The following HEXD variants were observed in gnomAD, a reference collection of about 807,000 sequenced individuals.
The protein encoded by HEXD is hexosaminidase D, also known as N-acetyl-beta-galactosaminidase.
Under a neutral mutation model 54.2 loss-of-function variants are expected in HEXD, and 47 were observed. The ratio of observed to expected loss-of-function variants is 0.87; its 90% CI spans 0.69 to 1.11. The LOEUF (loss-of-function observed/expected upper bound fraction) is 1.11, where lower values mean the gene tolerates loss of function less well. Among genes scored for constraint, HEXD ranks in the 50% least tolerant of loss-of-function variants. The pLI, the probability that HEXD is intolerant of heterozygous loss-of-function variation, is 0.00. For missense variants in HEXD, 576 were observed against 649.2 expected (o/e 0.89, Z 1.23); for synonymous variants, 293 against 287.6 (o/e 1.02, Z -0.19).
intron 3 of HEXD, chr17:82,426,500 C>T (rs890403816): frequency 1.3e-5 from 2 of 152,166 alleles, no homozygotes; most frequent in African/African-American, 4.8e-5. Context: ...TGGATTAACA[C>T]CCAGGACCCA....
At chr17:82,432,294 A>C (rs2053596677) in intron 4 of HEXD, among the ~76,000 whole-genome samples, 3 of 152,034 alleles carry the variant, frequency 2.0e-5, no homozygotes, top group Non-Finnish European at 2.9e-5. Context: ...TTCTGTTTCC[A>C]GGGTCACCCA....
rs1377128028 is a variant in HEXD, at chr17:82,418,491, C to G, written c.-301C>G. Reference sequence around the variant, plus strand: ...GCCCTCCGCTGAGGAGCCATCGGACCAGGCCGCCGCGGAGCCGGGCCGGAC... The same window carrying G: ...GCCCTCCGCTGAGGAGCCATCGGACGAGGCCGCCGCGGAGCCGGGCCGGAC... On this transcript the variant is annotated 5_prime_UTR_variant, in exon 1 of 13. Coordinates refer to ENST00000327949, the MANE Select transcript of HEXD (RefSeq NM_001330542.2). 3.6e-6 allele frequency: 5 copies of G among 1,398,236 alleles called. No individual in the cohort carries two copies. In the African/African-American group the frequency reaches 6.0e-5, roughly 17 times the overall value. The allele number at this position is 1,398,236 out of a possible 1,614,324, so 86.6% of individuals were successfully genotyped here.
chr17:82,440,083 C>A, intron 9 of HEXD: 1 of 1,300,074 alleles, frequency 7.7e-7, no homozygotes, highest in Non-Finnish European at 1.0e-6. Flanking sequence ...CCCTGGAAGG[C>A]CCCGCACCCT....
In HEXD at chr17:82,432,864, CCATCCTGGCTAA is replaced by C. The variant is rs1201527293; in HGVS notation, c.283-791_283-780del. 4.1e-5 allele frequency among the ~76,000 whole-genome samples: 6 copies of C among 144,796 alleles called. No homozygotes were observed. The Admixed American group carries it at 4.2e-4, about 10-fold the overall frequency. 95.0% of individuals were successfully genotyped at this position (144,796 alleles called of 152,430 possible). A position where few individuals can be genotyped will look rare whatever the true frequency, so the allele number is the denominator to read the frequency against. On this transcript the variant is annotated intron_variant, in intron 4 of 12. Coordinates refer to ENST00000327949, the MANE Select transcript of HEXD (RefSeq NM_001330542.2). The stretch of plus-strand genomic sequence containing the variant: ...AGATCACAAGGTCAGGAGATCGAGA[CCATCCTGGCTAA>C]CACGGTGAAACCCCGTCTCTACTAA...
Position 82,433,092 on chromosome 17 carries a change from ATATATATATATAT to A in HEXD, c.283-565_283-553del, listed in dbSNP as rs1397345774. On this transcript the variant is annotated intron_variant, in intron 4 of 12. Transcript: ENST00000327949. ...AAAAAAAAAAGAAAAAAAAAAAAAA[ATATATATATATAT>A]ATATATATATATATATATATATATT... is the stretch of plus-strand genomic sequence containing the variant. 2.9e-4 allele frequency among the ~76,000 whole-genome samples: 3 copies of A among 10,340 alleles called. 1 individual carries two copies. The highest frequency in any genetic ancestry group is 5.3e-4 in the African/African-American group (1 of 1,882). The allele number at this position is 10,340 out of a possible 152,430, so 6.8% of individuals were successfully genotyped here. A position where few individuals can be genotyped will look rare whatever the true frequency, so the allele number is the denominator to read the frequency against.
At chr17:82,441,597 A>G (rs2053974122) in intron 11 of HEXD, among the ~76,000 whole-genome samples, 1 of 149,224 alleles carries the variant, frequency 6.7e-6, no homozygotes, top group Non-Finnish European at 1.5e-5. Context: ...GGGGGTAGGG[A>G]CAGGTGCTGG....
Position 82,436,721 on chromosome 17 carries a change from TG to T in HEXD, c.688del (p.Asp230MetfsTer66), listed in dbSNP as rs1242260600. ...GTGCTCTGGGACTACACGGCCGACC[TG>T]GATGTGCACGGCAAGGGTCAGTGCC... The part of the protein sequence containing the change: ...EPVLWDYTAD[L>X]DVHGKVLLMQ... On this transcript the variant is annotated frameshift_variant, in exon 7 of 13. Coordinates refer to ENST00000327949, the MANE Select transcript of HEXD (RefSeq NM_001330542.2). LOFTEE classifies it high-confidence loss of function. 9.9e-6 allele frequency: 16 copies of T among 1,612,468 alleles called. No homozygotes were observed. Among genetic ancestry groups the T allele is most frequent in the Non-Finnish European group, 1.4e-5 (16 of 1,179,604 alleles).
Position 82,424,490 on chromosome 17 carries a change from A to G in HEXD, c.181A>G (p.Lys61Glu). 6.2e-7 allele frequency: 1 copy of G among 1,611,590 alleles called. No homozygotes were observed. The highest frequency in any genetic ancestry group is 8.5e-7 in the Non-Finnish European group (1 of 1,177,810). The change falls in exon 3 of 13, where the codon AAG becomes GAG. Residue 61 changes from lysine (K) to glutamate (E), a missense_variant. Coordinates refer to ENST00000327949, the MANE Select transcript of HEXD (RefSeq NM_001330542.2). ...YEGPLRLLRA[K>E]YAYSPSEIKE... Reference sequence around the variant, plus strand: ...GGGCCCTCTGAGGCTGCTGAGGGCCAAGTACGCCTACAGGTAACACTGCCC... The same window carrying G: ...GGGCCCTCTGAGGCTGCTGAGGGCCGAGTACGCCTACAGGTAACACTGCCC...
At position 82,440,577 on chromosome 17, in the gene HEXD, G is replaced by A. The variant is rs144307080; in HGVS notation, c.983-420G>A. 523 of 318,352 alleles carry A rather than the reference G, an allele frequency of 1.6e-3. 2 individuals are homozygous for A. Among genetic ancestry groups the A allele is most frequent in the African/African-American group, 0.01 (470 of 45,090 alleles). 19.7% of individuals were successfully genotyped at this position (318,352 alleles called of 1,614,324 possible). A position where few individuals can be genotyped will look rare whatever the true frequency, so the allele number is the denominator to read the frequency against. On this transcript the variant is annotated intron_variant, in intron 9 of 12. Coordinates refer to ENST00000327949, the MANE Select transcript of HEXD (RefSeq NM_001330542.2). The stretch of plus-strand genomic sequence containing the variant: ...CAAGCATTTCCATGAACACCAAGTC[G>A]GAGATTCGTCCACGCTGGTGCCTGC...
intron 9 of HEXD, among the ~76,000 whole-genome samples, chr17:82,440,769 G>A (rs1048033798): frequency 1.3e-5 from 2 of 152,244 alleles, no homozygotes; most frequent in Non-Finnish European, 2.9e-5. Context: ...TCTTACTTCT[G>A]TTTTCTGATT....
rs566928993 is a variant in HEXD, at chr17:82,434,873, C to T, written c.448-816C>T. 2.0e-5 allele frequency among the ~76,000 whole-genome samples: 3 copies of T among 149,826 alleles called. No homozygotes were observed. Among genetic ancestry groups the T allele is most frequent in the South Asian group, 4.3e-4 (2 of 4,700 alleles). Reference sequence around the variant, plus strand: ...AGTAAATAAATAAATAGGCCAGGCACGGTGGCTCACACTTGTGATCCCAGC... The same window carrying T: ...AGTAAATAAATAAATAGGCCAGGCATGGTGGCTCACACTTGTGATCCCAGC... On this transcript the variant is annotated intron_variant, in intron 5 of 12. Transcript: ENST00000327949. This position sits in a 1 kb window ranked among gnomAD's most constrained non-coding sequence, Gnocchi z 4.5.
Position 82,441,799 on chromosome 17 carries a change from G to A in HEXD, c.1164-1G>A, listed in dbSNP as rs1361517114. On this transcript the variant is annotated splice_acceptor_variant, in intron 11 of 12. Coordinates refer to ENST00000327949, the MANE Select transcript of HEXD (RefSeq NM_001330542.2). LOFTEE classifies it high-confidence loss of function. ...CACACCCCTATGTGGATTTGCCCCA[G>A]GTATGTCACTGGCTGGTTCAGCCCC... The A allele has an allele frequency of 6.2e-7, 1 of 1,613,284 alleles. No homozygotes were observed. The highest frequency in any genetic ancestry group is 8.5e-7 in the Non-Finnish European group (1 of 1,179,902).
chr17:82,424,292 C>G, intron 2 of HEXD, 102 bp from the exon 3 acceptor site: 1 of 744,322 alleles, frequency 1.3e-6, no homozygotes, highest in Non-Finnish European at 2.4e-6. Context: ...GCAACTCCCA[C>G]AGTCTCCACA....
chr17:82,433,668 A>C lies in HEXD; in HGVS notation c.293A>C (p.Lys98Thr), dbSNP rs2053676329. Residue 98 changes from lysine to threonine, a missense_variant, in exon 5 of 13, where the codon AAG (lysine) becomes ACG (threonine). Lys to Thr is a moderately conservative substitution (Grantham distance 78). Transcript: ENST00000327949. Reference protein sequence around the residue: ...QTFGHMEFVLKHTAFAHLREV... With the variant: ...QTFGHMEFVLTHTAFAHLREV... ...TCTGTCTCTCCGCAGTTTGTGCTGAAGCACACGGCCTTCGCCCACCTGCGG... is the reference window on the plus strand; with the variant it reads ...TCTGTCTCTCCGCAGTTTGTGCTGACGCACACGGCCTTCGCCCACCTGCGG... 6.3e-7 allele frequency: 1 copy of C among 1,592,616 alleles called. No homozygotes were observed. Among genetic ancestry groups the C allele is most frequent in the Admixed American group, 1.8e-5 (1 of 54,572 alleles).
intron 7 of HEXD, 101 bp from the exon 8 acceptor site, chr17:82,437,067 G>A: frequency 1.9e-6 from 2 of 1,053,402 alleles, no homozygotes; most frequent in Non-Finnish European, 1.4e-6. Flanking sequence ...GCTGTCTCAG[G>A]CGGCTCCCAT....
intron 5 of HEXD, among the ~76,000 whole-genome samples, 176 bp from the exon 6 acceptor site, chr17:82,435,513 G>C (rs868848146): frequency 2.6e-5 from 4 of 152,190 alleles, no homozygotes; most frequent in African/African-American, 9.6e-5. Flanking sequence ...AGAAGTTCAG[G>C]GCTCAGTGAG....
chr17:82,420,288 C>T (rs2053193988), intron 2 of HEXD: 1 of 153,452 alleles, frequency 6.5e-6, no homozygotes, highest in African/African-American at 2.4e-5. Flanking sequence ...TGATTGGCAT[C>T]CTTATGAGGA....
At position 82,428,574 on chromosome 17, in the gene HEXD, G is replaced by C; in HGVS notation, c.211G>C (p.Glu71Gln). Reference protein sequence around the residue: ...KYAYSPSEIKEILHLAGLNEL... With the variant: ...KYAYSPSEIKQILHLAGLNEL... ...TCTCTCCAGCCCCTCTGAAATCAAA[G>C]AGATCTTGCATCTGGCTGGACTCAA... is the stretch of plus-strand genomic sequence containing the variant. The change falls in exon 4 of 13, where the codon GAG becomes CAG. Residue 71 changes from glutamate to glutamine, a missense_variant. Coordinates refer to ENST00000327949, the MANE Select transcript of HEXD (RefSeq NM_001330542.2). 3.7e-6 allele frequency: 6 copies of C among 1,613,290 alleles called. No homozygotes were observed. The highest frequency in any genetic ancestry group is 5.1e-6 in the Non-Finnish European group (6 of 1,179,278).
intron 4 of HEXD, among the ~76,000 whole-genome samples, chr17:82,432,139 C>T (rs1599737282): frequency 6.6e-6 from 1 of 152,316 alleles, no homozygotes; most frequent in African/African-American, 2.4e-5. Context: ...CCACAGACCT[C>T]CTCCCCTTGC....
Sources: allele counts gnomAD v4.1 joint callset (sites outside exome capture counted in the v4.1 genomes callset), GRCh38; gene constraint gnomAD v4.1.1; non-coding constraint Gnocchi (gnomAD v3.1); transcripts MANE v1.5; gene names NCBI Gene and HGNC (gene_info 2026-07-23, HGNC 2026-07-21).